Variants in MICAL2 observed in about 807,000 individuals in gnomAD.
MICAL2 encodes the protein microtubule associated monooxygenase, calponin and LIM domain containing 2.
MICAL2 carries 77 observed loss-of-function variants against 127.3 expected under a neutral mutation model. The observed-to-expected ratio is 0.60, with a 90% CI of 0.50 to 0.73. The LOEUF (loss-of-function observed/expected upper bound fraction) is 0.73, where lower values mean the gene tolerates loss of function less well. Among genes scored for constraint, MICAL2 ranks in the 30% least tolerant of loss-of-function variants. The probability of loss-of-function intolerance (pLI) is 0.00; values close to 1 mark genes in which losing one functional copy is unlikely to be tolerated. For missense variants in MICAL2, 1,351 were observed against 1,434.4 expected (o/e 0.94, Z 0.94); for synonymous variants, 570 against 551.1 (o/e 1.03, Z -0.48).
chr11:12,189,023 T>C (rs757650376), intron 3 of MICAL2, among the ~76,000 whole-genome samples: 4 of 152,218 alleles, frequency 2.6e-5, no homozygotes, highest in Non-Finnish European at 5.9e-5. Flanking sequence ...CTAAATTTAT[T>C]CTTCTTTCTG....
At chr11:12,128,375 A>G (rs887488738) in intron 1 of MICAL2, among the ~76,000 whole-genome samples, 6 of 152,384 alleles carry the variant, frequency 3.9e-5, no homozygotes, top group South Asian at 2.1e-4. Context: ...GCCCAAGATA[A>G]TAAGTGTTAA....
chr11:12,343,719 A>G (rs1938907756), intron 32 of MICAL2, among the ~76,000 whole-genome samples: 1 of 152,228 alleles, frequency 6.6e-6, no homozygotes, highest in African/African-American at 2.4e-5. Context: ...CTTCTTTTGG[A>G]TCGAGAACAA....
At chr11:12,294,483 G>A (rs139581842), downstream of MICAL2, 11,205 of 1,614,082 alleles carry the variant, frequency 6.9e-3, 53 homozygotes, top group Non-Finnish European at 8.1e-3. Flanking sequence ...TTGCCCAATC[G>A]GCCATCCAAG....
At position 12,224,802 on chromosome 11, in the gene MICAL2, G is replaced by A. The variant is rs750399031; in HGVS notation, c.1670G>A (p.Arg557His). The A allele has an allele frequency of 2.4e-5, 39 of 1,613,308 alleles. No individual in the cohort carries two copies. The highest frequency in any genetic ancestry group is 7.7e-5 in the South Asian group (7 of 91,064). The change falls in exon 13 of 28, where the codon CGC becomes CAC. Residue 557 changes from arginine (R) to histidine (H), a missense_variant. This residue lies in a region of MICAL2 where 599 missense variants were observed against 714.9 expected (regional missense o/e 0.84). Coordinates refer to ENST00000683283, the MANE Select transcript of MICAL2 (RefSeq NM_001282663.2). ...SGLALCAIIH[R>H]FRPELINFDS... ...TTGGCCCTGTGTGCCATCATCCACC[G>A]CTTCCGGCCTGAGCTCATGTGAGTC...
chr11:12,177,763 G>A lies in MICAL2; in HGVS notation c.264+15344G>A, dbSNP rs1021914235. 1.1e-4 allele frequency among the ~76,000 whole-genome samples: 17 copies of A among 152,280 alleles called. 2 individuals are homozygous for A. Among genetic ancestry groups the A allele is most frequent in the Admixed American group, 1.0e-3 (16 of 15,304 alleles). On this transcript the variant is annotated intron_variant, in intron 3 of 27. Coordinates refer to ENST00000683283, the MANE Select transcript of MICAL2 (RefSeq NM_001282663.2). The stretch of plus-strand genomic sequence containing the variant: ...TTCTTTTCTGTAGTACATATTTGGT[G>A]TCTGAGGTTTGTCTCCAACTCCTTT...
rs11403732 is a variant in MICAL2 at position 12,180,349 on chromosome 11, A to ATATATATTT, written c.264+17931_264+17932insATATATTTT. 3.6e-5 allele frequency among the ~76,000 whole-genome samples: 5 copies of ATATATATTT among 139,712 alleles called. No homozygotes were observed. The East Asian group carries it at 9.9e-4, about 28-fold the overall frequency. The allele number at this position is 139,712 out of a possible 152,430, so 91.7% of individuals were successfully genotyped here. A position where few individuals can be genotyped will look rare whatever the true frequency, so the allele number is the denominator to read the frequency against. ...TTTATATACATGTATATATGTATAT[A>ATATATATTT]TTTTTTTTTTGGCAGGAAGGTTTCC... On this transcript the variant is annotated intron_variant, in intron 3 of 27. Coordinates refer to ENST00000683283, the MANE Select transcript of MICAL2 (RefSeq NM_001282663.2).
rs75383051 is a variant in MICAL2, at chr11:12,152,608, G to A, written c.-77-9471G>A. 6.5e-3 allele frequency among the ~76,000 whole-genome samples: 989 copies of A among 152,216 alleles called. 15 individuals carry two copies. Among genetic ancestry groups the A allele is most frequent in the East Asian group, 0.053 (273 of 5,176 alleles). ...TATTTCACAGGTGCAGAGTGGTGGG[G>A]GAGGAGTGTACCTGTGGTGAGAGTC... On this transcript the variant is annotated intron_variant, in intron 2 of 27. Coordinates refer to ENST00000683283, the MANE Select transcript of MICAL2 (RefSeq NM_001282663.2).
chr11:12,348,414 C>G (rs1938991220), intron 32 of MICAL2, among the ~76,000 whole-genome samples: 1 of 152,024 alleles, frequency 6.6e-6, no homozygotes, highest in Admixed American at 6.6e-5. Context: ...AAGAGCTGAC[C>G]ATACTGTGTC....
At position 12,224,829 on chromosome 11, in the gene MICAL2, G is replaced by T. The variant is rs1300319502; in HGVS notation, c.1688+9G>T. 4 of 1,605,838 alleles carry T rather than the reference G, an allele frequency of 2.5e-6. No individual in the cohort carries two copies. In the African/African-American group the frequency reaches 4.0e-5, roughly 16 times the overall value. On this transcript the variant is annotated intron_variant, in intron 13 of 27. Transcript: ENST00000683283. ...TTCCGGCCTGAGCTCATGTGAGTCT[G>T]GGGCCCAGGCTGGCCCCTGGAGACG...
downstream of MICAL2, among the ~76,000 whole-genome samples, chr11:12,361,642 C>T (rs1384603063): frequency 6.6e-6 from 1 of 152,180 alleles, no homozygotes; most frequent in Admixed American, 6.5e-5. Flanking sequence ...CAAGATGCAC[C>T]ATGTTAATTG....
At chr11:12,225,852 TAAAA>T in intron 13 of MICAL2, 1 of 326,892 alleles carries the variant, frequency 3.1e-6, no homozygotes, top group Non-Finnish European at 5.7e-6. Flanking sequence ...CTTTTGTAAT[TAAAA>T]AGAAAAAAAG....
intron 32 of MICAL2, chr11:12,327,297 G>A (rs948269968): frequency 2.6e-6 from 4 of 1,530,312 alleles, no homozygotes; most frequent in Non-Finnish European, 3.5e-6. Context: ...CGGAGCAGTG[G>A]GCATGGTCTG....
intron 32 of MICAL2, among the ~76,000 whole-genome samples, chr11:12,349,283 A>T (rs1442509799): frequency 3.3e-5 from 5 of 152,220 alleles, no homozygotes; most frequent in South Asian, 4.1e-4. Context: ...CCCATGAGAC[A>T]CAAAGCTAAT....
At chr11:12,325,195 C>T (rs998764813) in intron 31 of MICAL2, among the ~76,000 whole-genome samples, 3 of 152,114 alleles carry the variant, frequency 2.0e-5, no homozygotes, top group African/African-American at 7.2e-5. Flanking sequence ...CTGCAACCTC[C>T]ACCTCCTAGG....
intron 1 of MICAL2, among the ~76,000 whole-genome samples, chr11:12,134,962 C>T (rs1851720273): frequency 6.6e-6 from 1 of 152,230 alleles, no homozygotes; most frequent in Admixed American, 6.5e-5. Context: ...GTCCCCTGTT[C>T]AGTGCACTAT....
rs376168249 is a variant in MICAL2 at position 12,241,044 on chromosome 11, G to A, written c.2219G>A (p.Arg740His). The A allele has an allele frequency of 5.8e-5, 93 of 1,613,632 alleles. No individual in the cohort carries two copies. The East Asian group carries it at 7.8e-4, about 14-fold the overall frequency. Residue 740 changes from arginine (R) to histidine (H), a missense_variant, in exon 18 of 28, where the codon CGC becomes CAC. This residue lies in a region of MICAL2 where 752 missense variants were observed against 719.4 expected (regional missense o/e 1.05). Transcript: ENST00000683283. Reference protein sequence around the residue: ...TRNPSLMKQERRVSGIGKPVL... With the variant: ...TRNPSLMKQEHRVSGIGKPVL... ...GACTCGCCTTTCTTCTCCCAGGAAC[G>A]CCGTGTCTCAGGGATAGGTAAGCCG... is the stretch of plus-strand genomic sequence containing the variant.
chr11:12,241,479 C>T (rs1859955003), intron 18 of MICAL2, among the ~76,000 whole-genome samples: 1 of 152,130 alleles, frequency 6.6e-6, no homozygotes, highest in Non-Finnish European at 1.5e-5. Context: ...ATCTGCAGAC[C>T]ATTCAAATAG....
At chr11:12,204,526 G>C in intron 4 of MICAL2, 69 bp downstream of exon 4, 1 of 1,471,524 alleles carries the variant, frequency 6.8e-7, no homozygotes, top group Non-Finnish European at 9.4e-7. Flanking sequence ...TATCTCTCCA[G>C]GTCTAGGAGT....
intron 1 of MICAL2, among the ~76,000 whole-genome samples, chr11:12,278,402 C>A (rs1054691996): frequency 6.6e-6 from 1 of 152,160 alleles, no homozygotes; most frequent in African/African-American, 2.4e-5. Context: ...ACTGCAAACA[C>A]GTGAGTGACA....
Sources: allele counts gnomAD v4.1 joint callset (sites outside exome capture counted in the v4.1 genomes callset), GRCh38; gene constraint gnomAD v4.1.1; regional missense constraint gnomAD v4.1.1; transcripts MANE v1.5; gene names NCBI Gene and HGNC (gene_info 2026-07-23, HGNC 2026-07-21).